The following TRARG1 variants were observed in gnomAD, a reference collection of about 807,000 sequenced individuals.
The protein encoded by TRARG1 is trafficking regulator of GLUT4 (SLC2A4) 1 (gene/pseudogene), also known as trafficking regulator of GLUT4 1.
In TRARG1, 16 loss-of-function variants were observed where a neutral mutation model predicts 13.3. The observed-to-expected ratio is 1.20, with a 90% CI of 0.81 to 1.83. The LOEUF (loss-of-function observed/expected upper bound fraction) is 1.83. Among genes scored for constraint, TRARG1 ranks in the 40% most tolerant of loss-of-function variants. TRARG1 has a pLI of 0.00. For missense variants in TRARG1, 250 were observed against 237.4 expected (o/e 1.05, Z -0.35); for synonymous variants, 113 against 106.2 (o/e 1.06, Z -0.39).
chr17:1,295,200 G>C (rs918496302), intron 1 of TRARG1, among the ~76,000 whole-genome samples: 4 of 152,210 alleles, frequency 2.6e-5, no homozygotes. Flanking sequence ...TCTCTAGCCT[G>C]CCACCGCCAC....
chr17:1,282,291 T>TATATGTACATATAC lies in TRARG1; in HGVS notation c.387+1903_387+1904insATATGTACATATAC, dbSNP rs1491389085. 1.4e-3 allele frequency among the ~76,000 whole-genome samples: 204 copies of TATATGTACATATAC among 150,288 alleles called. 3 individuals carry two copies. The highest frequency in any genetic ancestry group is 7.9e-3 in the East Asian group (38 of 4,820). ...ATATATGCACGTATATGTACATATA[T>TATATGTACATATAC]GTACGTATATGTACATATGCGTATA... On this transcript the variant is annotated intron_variant, in intron 1 of 2. Transcript: ENST00000333813.
At chr17:1,281,060 G>A (rs2071969428) in intron 1 of TRARG1, among the ~76,000 whole-genome samples, 1 of 152,224 alleles carries the variant, frequency 6.6e-6, no homozygotes, top group Non-Finnish European at 1.5e-5. Context: ...AGTGAAAAAT[G>A]TGAGAGTCAG....
intron 1 of TRARG1, among the ~76,000 whole-genome samples, chr17:1,281,976 GTACATATA>G (rs1240297784): frequency 8.1e-5 from 12 of 148,156 alleles, no homozygotes; most frequent in Middle Eastern, 3.5e-3. Flanking sequence ...ATGCACACGT[GTACATATA>G]TGTACATATA....
At chr17:1,282,285 C>CACATATGTACGTATATGTACATATGCGT (rs2071987196) in intron 1 of TRARG1, among the ~76,000 whole-genome samples, 7 of 136,846 alleles carry the variant, frequency 5.1e-5, no homozygotes, top group Non-Finnish European at 1.1e-4. Context: ...CGTATATGTA[C>CACATATGTACGTATATGTACATATGCGT]ATATATGTAC....
intron 2 of TRARG1, among the ~76,000 whole-genome samples, chr17:1,297,019 G>C (rs1156726954): frequency 6.6e-6 from 1 of 152,128 alleles, no homozygotes; most frequent in African/African-American, 2.4e-5. Flanking sequence ...ACTTTGGGGG[G>C]TCATCCGGGT....
At chr17:1,284,854 G>A (rs1418836509) in intron 1 of TRARG1, among the ~76,000 whole-genome samples, 1 of 151,798 alleles carries the variant, frequency 6.6e-6, no homozygotes, top group East Asian at 2.0e-4. Context: ...CTAATTTTTT[G>A]TATTTTTAGT....
intron 1 of TRARG1, among the ~76,000 whole-genome samples, chr17:1,293,009 C>T (rs769326491): frequency 1.1e-4 from 17 of 151,968 alleles, no homozygotes; most frequent in Non-Finnish European, 1.9e-4. Context: ...GGAAAGAGGC[C>T]GGGCACAGTG....
chr17:1,283,323 T>C (rs1266300748), intron 1 of TRARG1, among the ~76,000 whole-genome samples: 2 of 152,120 alleles, frequency 1.3e-5, no homozygotes, highest in Admixed American at 1.3e-4. Context: ...GTGGGGCTCT[T>C]ACAGGATAAT....
intron 1 of TRARG1, among the ~76,000 whole-genome samples, chr17:1,283,143 G>C (rs961677456): frequency 6.6e-6 from 1 of 152,202 alleles, no homozygotes; most frequent in Non-Finnish European, 1.5e-5. Flanking sequence ...AGAAGTGCCC[G>C]TGGTAGACAT....
intron 1 of TRARG1, among the ~76,000 whole-genome samples, chr17:1,280,730 C>T (rs758440234): frequency 6.6e-6 from 1 of 152,136 alleles, no homozygotes; most frequent in South Asian, 2.1e-4. Flanking sequence ...TTAGGAGGGA[C>T]GGGCGGTCCC....
rs545366126 is a variant in TRARG1 at position 1,283,935 on chromosome 17, T to A, written c.387+3547T>A. Among the ~76,000 whole-genome samples the A allele has an allele frequency of 9.7e-4, 147 of 151,242 alleles. 1 individual carries two copies. Among genetic ancestry groups the A allele is most frequent in the South Asian group, 6.5e-3 (31 of 4,786 alleles). On this transcript the variant is annotated intron_variant, in intron 1 of 2. Coordinates refer to ENST00000333813, the MANE Select transcript of TRARG1 (RefSeq NM_172367.3). The stretch of plus-strand genomic sequence containing the variant: ...ACACCATCCTGGCTAACACGGTGAA[T>A]CCCCATCTCTACTAAAAATGCAAAA...
intron 2 of TRARG1, among the ~76,000 whole-genome samples, chr17:1,296,580 C>T (rs2072112338): frequency 1.3e-5 from 2 of 150,040 alleles, no homozygotes; most frequent in South Asian, 2.1e-4. Flanking sequence ...GGCATGATCT[C>T]AGCTCACTGC....
chr17:1,299,379 G>A lies in TRARG1; in HGVS notation c.*1115G>A, dbSNP rs1009357499. On this transcript the variant is annotated 3_prime_UTR_variant, in exon 3 of 3. Coordinates refer to ENST00000333813, the MANE Select transcript of TRARG1 (RefSeq NM_172367.3). ...GCGTGGGTCAGAGAGTTTTTATGGG[G>A]GTCTGTTGTTTGACCGTCCTGAGAC... The A allele has an allele frequency of 6.6e-6, 1 of 152,236 alleles. No homozygotes were observed. The allele number at this position is 152,236 out of a possible 1,614,324, so 9.4% of individuals were successfully genotyped here. A position where few individuals can be genotyped will look rare whatever the true frequency, so the allele number is the denominator to read the frequency against.
chr17:1,280,364 C>A lies in TRARG1; in HGVS notation c.363C>A (p.Leu121=). 6.2e-7 allele frequency: 1 copy of A among 1,604,540 alleles called. No individual in the cohort carries two copies. Among genetic ancestry groups the A allele is most frequent in the Middle Eastern group, 1.7e-4 (1 of 6,014 alleles). ...ACFCPVWPLN[L]IPLIISIMSR... ...TCTGCCCCGTCTGGCCCCTCAACCT[C>A]ATCCCCCTCATCATTTCCATCATGG... Residue 121 remains leucine, a synonymous_variant, in exon 1 of 3, where the codon CTC becomes CTA. Transcript: ENST00000333813.
intron 1 of TRARG1, among the ~76,000 whole-genome samples, chr17:1,285,180 C>G (rs962281674): frequency 6.6e-6 from 1 of 151,870 alleles, no homozygotes; most frequent in Non-Finnish European, 1.5e-5. Flanking sequence ...TGGGAGACAA[C>G]AAGTGGATCA....
intron 1 of TRARG1, among the ~76,000 whole-genome samples, chr17:1,287,716 G>A (rs184970197): frequency 6.6e-5 from 10 of 151,700 alleles, no homozygotes; most frequent in African/African-American, 2.2e-4. Flanking sequence ...GCAATAGTGC[G>A]ATCTTGGCTC....
At chr17:1,293,208 C>A (rs573258588) in intron 1 of TRARG1, among the ~76,000 whole-genome samples, 52 of 144,530 alleles carry the variant, frequency 3.6e-4, no homozygotes, top group African/African-American at 1.3e-3. Flanking sequence ...GGCTTGAACC[C>A]GGGAGGTGGA....
chr17:1,286,250 T>C (rs9900341), intron 1 of TRARG1, among the ~76,000 whole-genome samples: 72,002 of 152,016 alleles, frequency 0.47, 18,210 homozygotes, highest in African/African-American at 0.64. Context: ...ACTAGGGGCC[T>C]GGTGGCAGCA....
rs369713905 is a variant in TRARG1, at chr17:1,280,286, C to T, written c.285C>T (p.Ala95=). ...RASSIATTSY[A]QDQEAPRDYL... Reference sequence around the variant, plus strand: ...CCTCCATCGCCACCACCTCCTATGCCCAAGACCAAGAAGCCCCCAGAGATT... The same window carrying T: ...CCTCCATCGCCACCACCTCCTATGCTCAAGACCAAGAAGCCCCCAGAGATT... The change falls in exon 1 of 3, where the codon GCC becomes GCT. Residue 95 remains alanine, a synonymous_variant. Transcript: ENST00000333813. 6.2e-7 allele frequency: 1 copy of T among 1,614,082 alleles called. No homozygotes were observed. The highest frequency in any genetic ancestry group is 8.5e-7 in the Non-Finnish European group (1 of 1,180,008).
Sources: allele counts gnomAD v4.1 joint callset (sites outside exome capture counted in the v4.1 genomes callset), GRCh38; gene constraint gnomAD v4.1.1; transcripts MANE v1.5; gene names NCBI Gene and HGNC (gene_info 2026-07-23, HGNC 2026-07-21).